MAP3K4: variants seen among roughly 807,000 people sequenced by gnomAD.
The protein encoded by MAP3K4 is MAP three kinase 1.
Under a neutral mutation model 185.6 loss-of-function variants are expected in MAP3K4, and 67 were observed. The ratio of observed to expected loss-of-function variants is 0.36; its 90% CI spans 0.30 to 0.44. The LOEUF (loss-of-function observed/expected upper bound fraction) is 0.44. Among genes scored for constraint, MAP3K4 ranks in the 20% least tolerant of loss-of-function variants. MAP3K4 has a pLI of 1.00. For synonymous variants in MAP3K4, 702 were observed against 710.4 expected (o/e 0.99, Z 0.19); for missense variants, 1,551 against 1,995.1 (o/e 0.78, Z 4.24).
In MAP3K4 at chr6:161,109,979, T is replaced by A; in HGVS notation, c.4396+65T>A. On this transcript the variant is annotated intron_variant, in intron 23 of 26. Coordinates refer to ENST00000392142, the MANE Select transcript of MAP3K4 (RefSeq NM_005922.4). The surrounding 1 kb of genome is among the most constrained non-coding windows in gnomAD (Gnocchi z 5.7). ...CTGGTACCCAGCCCGTGGGAGGTGC[T>A]CTGAAGACGCTCATCCCATTCCCAC... 1 of 1,545,194 alleles carries A rather than the reference T, an allele frequency of 6.5e-7. No homozygotes were observed. Among genetic ancestry groups the A allele is most frequent in the Non-Finnish European group, 8.9e-7 (1 of 1,122,830 alleles).
intron 3 of MAP3K4, among the ~76,000 whole-genome samples, chr6:161,060,247 G>A (rs1784425095): frequency 1.3e-5 from 2 of 151,994 alleles, no homozygotes; most frequent in African/African-American, 4.8e-5. Flanking sequence ...CCTATTATAT[G>A]GTTACTTAGT....
rs1442139379 is a variant in MAP3K4 at position 161,115,657 on chromosome 6, A to G, written c.4806+355A>G. On this transcript the variant is annotated intron_variant, in intron 26 of 26. Coordinates refer to ENST00000392142, the MANE Select transcript of MAP3K4 (RefSeq NM_005922.4). The surrounding 1 kb of genome is among the most constrained non-coding windows in gnomAD (Gnocchi z 6.0). ...ACTGAGAGCTGTGATAATGGTATAT[A>G]AGGTTACTCAGAAGAGGAATTTAAT... 1.3e-5 allele frequency among the ~76,000 whole-genome samples: 2 copies of G among 152,162 alleles called. No individual in the cohort carries two copies. Among genetic ancestry groups the G allele is most frequent in the East Asian group, 3.9e-4 (2 of 5,182 alleles).
rs988578558 is a variant in MAP3K4, at chr6:161,008,497, A to G, written c.152+16414A>G. Among the ~76,000 whole-genome samples the G allele has an allele frequency of 6.6e-6, 1 of 152,156 alleles. No individual in the cohort carries two copies. The highest frequency in any genetic ancestry group is 1.5e-5 in the Non-Finnish European group (1 of 68,016). ...ATGGGAGCTGTATAAGCGTTGACATAATGTGGTAATAGATGAAACAGGAGC... is the reference window on the plus strand; with the variant it reads ...ATGGGAGCTGTATAAGCGTTGACATGATGTGGTAATAGATGAAACAGGAGC... On this transcript the variant is annotated intron_variant, in intron 1 of 26. Transcript: ENST00000392142. This position sits in a 1 kb window ranked among gnomAD's most constrained non-coding sequence, Gnocchi z 4.1.
Position 161,080,736 on chromosome 6 carries a change from G to A in MAP3K4, c.2098-145G>A. ...TTTAGACCTCAGCTAACAGTGGTGA[G>A]AACCTTGCTTCTGTCGGTGCTGCGT... On this transcript the variant is annotated intron_variant, in intron 5 of 26. Coordinates refer to ENST00000392142, the MANE Select transcript of MAP3K4 (RefSeq NM_005922.4). The surrounding 1 kb of genome is among the most constrained non-coding windows in gnomAD (Gnocchi z 4.8). 1 of 661,046 alleles carries A rather than the reference G, an allele frequency of 1.5e-6. No homozygotes were observed. The allele number at this position is 661,046 out of a possible 1,614,324, so 40.9% of individuals were successfully genotyped here. A position where few individuals can be genotyped will look rare whatever the true frequency, so the allele number is the denominator to read the frequency against.
At chr6:161,102,648 A>G in intron 18 of MAP3K4, 51 bp from the exon 19 acceptor site, 1 of 1,217,366 alleles carries the variant, frequency 8.2e-7, no homozygotes, top group Non-Finnish European at 1.2e-6. Flanking sequence ...GTTCTCAAAT[A>G]AGCATATTTA....
At chr6:161,041,687 T>C in intron 2 of MAP3K4, among the ~76,000 whole-genome samples, 1 of 152,180 alleles carries the variant, frequency 6.6e-6, no homozygotes, top group South Asian at 2.1e-4. Flanking sequence ...GGGGCTGCCC[T>C]GTGCAGCCAC....
At chr6:161,011,423 G>T (rs925246150) in intron 1 of MAP3K4, among the ~76,000 whole-genome samples, 4 of 152,138 alleles carry the variant, frequency 2.6e-5, no homozygotes, top group Non-Finnish European at 4.4e-5. Context: ...TGAGTGAAAT[G>T]GTGGCAGTCT....
At position 161,089,337 on chromosome 6, in the gene MAP3K4, C is replaced by T; in HGVS notation, c.2839C>T (p.Leu947=). 2 of 1,613,656 alleles carry T rather than the reference C, an allele frequency of 1.2e-6. No individual in the cohort carries two copies. Among genetic ancestry groups the T allele is most frequent in the South Asian group, 1.1e-5 (1 of 90,952 alleles). Residue 947 remains leucine, a synonymous_variant, in exon 11 of 27, where the codon CTA becomes TTA. Transcript: ENST00000392142. Reference sequence around the variant, plus strand: ...TTCCTCCCAGGTGGATAATCTTTTACTAGTTGTCATGCAGTCTGCGCATCT... The same window carrying T: ...TTCCTCCCAGGTGGATAATCTTTTATTAGTTGTCATGCAGTCTGCGCATCT... ...LRSMQVDNLL[L]VVMQSAHLTI...
chr6:161,017,351 A>G lies in MAP3K4; in HGVS notation c.153-16908A>G, dbSNP rs1782163175. 6.6e-6 allele frequency among the ~76,000 whole-genome samples: 1 copy of G among 152,144 alleles called. No individual in the cohort carries two copies. Among genetic ancestry groups the G allele is most frequent in the South Asian group, 2.1e-4 (1 of 4,824 alleles). On this transcript the variant is annotated intron_variant, in intron 1 of 26. Coordinates refer to ENST00000392142, the MANE Select transcript of MAP3K4 (RefSeq NM_005922.4). The surrounding 1 kb of genome is among the most constrained non-coding windows in gnomAD (Gnocchi z 5.1). ...CTGTTAATGATATTTCCCCCTCAGTAATAGGGATGAGGGTGATAGAACTAC... is the reference window on the plus strand; with the variant it reads ...CTGTTAATGATATTTCCCCCTCAGTGATAGGGATGAGGGTGATAGAACTAC...
chr6:161,013,717 C>A (rs958933982), intron 1 of MAP3K4, among the ~76,000 whole-genome samples: 4 of 152,224 alleles, frequency 2.6e-5, no homozygotes, highest in Admixed American at 6.5e-5. Flanking sequence ...AGGGCTGCCC[C>A]GTAGGCCAAG....
At position 161,063,598 on chromosome 6, in the gene MAP3K4, C is replaced by CT; in HGVS notation, c.1708-7009dup. On this transcript the variant is annotated intron_variant, in intron 3 of 26. Coordinates refer to ENST00000392142, the MANE Select transcript of MAP3K4 (RefSeq NM_005922.4). This position sits in a 1 kb window ranked among gnomAD's most constrained non-coding sequence, Gnocchi z 5.4. ...TCTCGATCTCCTCTTCTCTTTCCTC[C>CT]TGTTGTCCTTTACTGGGGAGTTGGA... Among the ~76,000 whole-genome samples the CT allele has an allele frequency of 6.6e-6, 1 of 152,242 alleles. No individual in the cohort carries two copies. Among genetic ancestry groups the CT allele is most frequent in the East Asian group, 1.9e-4 (1 of 5,180 alleles).
chr6:161,069,460 G>A (rs1323998209), intron 3 of MAP3K4, among the ~76,000 whole-genome samples: 1 of 152,160 alleles, frequency 6.6e-6, no homozygotes, highest in Non-Finnish European at 1.5e-5. Flanking sequence ...GTGTGTGAGG[G>A]TTGGTTGAGA....
intron 1 of MAP3K4, among the ~76,000 whole-genome samples, chr6:161,006,462 A>G (rs1339205613): frequency 2.6e-5 from 4 of 152,210 alleles, no homozygotes; most frequent in Non-Finnish European, 4.4e-5. Context: ...TGTATTAGGT[A>G]TTATAACTAA....
chr6:161,022,869 T>C lies in MAP3K4; in HGVS notation c.153-11390T>C, dbSNP rs1288303692. ...AAATGAGACTGTATGATATCGAGCA[T>C]AGTACTTACCAAGCATGGTAAGTAC... On this transcript the variant is annotated intron_variant, in intron 1 of 26. Coordinates refer to ENST00000392142, the MANE Select transcript of MAP3K4 (RefSeq NM_005922.4). The surrounding 1 kb of genome is among the most constrained non-coding windows in gnomAD (Gnocchi z 4.2). Among the ~76,000 whole-genome samples the C allele has an allele frequency of 6.6e-6, 1 of 152,164 alleles. No individual in the cohort carries two copies. The highest frequency in any genetic ancestry group is 2.4e-5 in the African/African-American group (1 of 41,434).
intron 3 of MAP3K4, among the ~76,000 whole-genome samples, chr6:161,060,716 C>T (rs1784450037): frequency 6.7e-6 from 1 of 150,272 alleles, no homozygotes; most frequent in Non-Finnish European, 1.5e-5. Context: ...GTCTCCCTGG[C>T]TCAAGTGGTT....
At chr6:161,038,859 A>G (rs968942195) in intron 2 of MAP3K4, among the ~76,000 whole-genome samples, 1 of 152,034 alleles carries the variant, frequency 6.6e-6, no homozygotes, top group African/African-American at 2.4e-5. Context: ...TCACTCACAT[A>G]TGTGTCTGTT....
At chr6:161,055,404 A>C (rs1784183983) in intron 3 of MAP3K4, among the ~76,000 whole-genome samples, 1 of 152,240 alleles carries the variant, frequency 6.6e-6, no homozygotes. Context: ...CAAACTTTTC[A>C]TCTTGGAATA....
rs990680417 is a variant in MAP3K4 at position 161,071,721 on chromosome 6, C to G, written c.1950+871C>G. ...TGTCCCCTGCATCTCATTTCCATCC[C>G]TTTGGTTCATACCCAGCACCGCCAG... On this transcript the variant is annotated intron_variant, in intron 4 of 26. Transcript: ENST00000392142. The surrounding 1 kb of genome is among the most constrained non-coding windows in gnomAD (Gnocchi z 4.6). Among the ~76,000 whole-genome samples the G allele has an allele frequency of 2.0e-5, 3 of 152,178 alleles. No homozygotes were observed. The highest frequency in any genetic ancestry group is 4.4e-5 in the Non-Finnish European group (3 of 68,032).
At chr6:161,010,206 G>C (rs1009264469) in intron 1 of MAP3K4, among the ~76,000 whole-genome samples, 1 of 151,994 alleles carries the variant, frequency 6.6e-6, no homozygotes, top group Admixed American at 6.6e-5. Flanking sequence ...ATTTATCCCC[G>C]AAGTGCCTGG....
Sources: allele counts gnomAD v4.1 joint callset (sites outside exome capture counted in the v4.1 genomes callset), GRCh38; gene constraint gnomAD v4.1.1; non-coding constraint Gnocchi (gnomAD v3.1); transcripts MANE v1.5; gene names NCBI Gene and HGNC (gene_info 2026-07-23, HGNC 2026-07-21).